SPANXN2: variants seen among roughly 807,000 people sequenced by gnomAD.
SPANXN2 encodes SPANX family member N2, also known as sperm protein associated with the nucleus on the X chromosome N2.
In SPANXN2, 1 loss-of-function variant was observed where a neutral mutation model predicts 2.0. The observed-to-expected ratio is 0.50, with a 90% CI of 0.18 to 2.36. SPANXN2 has a LOEUF of 2.36. SPANXN2 is among the 30% of genes most tolerant of loss of function. The probability of loss-of-function intolerance (pLI) is 0.26; values close to 1 mark genes in which losing one functional copy is unlikely to be tolerated. For missense variants in SPANXN2, 88 were observed against 116.7 expected (o/e 0.75, Z 1.13); for synonymous variants, 43 against 49.8 (o/e 0.86, Z 0.58).
exon 2 of SPANXN2, chrX:143,712,187 A>G (rs1602677475): frequency 4.3e-6 from 2 of 462,344 alleles, no homozygotes; most frequent in Non-Finnish European, 7.6e-6. Context: ...GATCCTTCAG[A>G]TGAGTCCAGG....
Position 143,712,551 on chromosome X carries a change from G to A in SPANXN2, c.79-52C>T, listed in dbSNP as rs782687333. On this transcript the variant is annotated intron_variant, in intron 1 of 1. Transcript: ENST00000598475. Reference sequence around the variant, plus strand: ...AAAGTCATTATTTTGGGTGAATAGGGTAGAGACTGGATAGCAAGGGGGGCT... The same window carrying A: ...AAAGTCATTATTTTGGGTGAATAGGATAGAGACTGGATAGCAAGGGGGGCT... 608 of 1,101,317 alleles carry A rather than the reference G, an allele frequency of 5.5e-4. 1 individual carries two copies. The East Asian group carries it at 0.013, about 24-fold the overall frequency. 90.8% of individuals were successfully genotyped at this position (1,101,317 alleles called of 1,213,427 possible). A position where few individuals can be genotyped will look rare whatever the true frequency, so the allele number is the denominator to read the frequency against.
chrX:143,720,238 A>G (rs1258054231), intron 1 of SPANXN2, among the ~76,000 whole-genome samples: 2 of 111,339 alleles, frequency 1.8e-5, no homozygotes, highest in Non-Finnish European at 3.8e-5. Flanking sequence ...AATCTTGCCT[A>G]ATCGTCGTAA....
At chrX:143,717,277 G>GTT (rs1237524047) in intron 1 of SPANXN2, among the ~76,000 whole-genome samples, 2 of 111,691 alleles carry the variant, frequency 1.8e-5, no homozygotes, top group African/African-American at 6.5e-5. Context: ...CAGGAACAGG[G>GTT]TTTCCTAACT....
At position 143,720,590 on chromosome X, in the gene SPANXN2, C is replaced by A. The variant is rs1466584279; in HGVS notation, c.78+1G>T. Reference sequence around the variant, plus strand: ...TTCCCTTCAAAACCTAACAATCTTACCTCATCATTTTTTTTGTTATTGGAT... The same window carrying A: ...TTCCCTTCAAAACCTAACAATCTTAACTCATCATTTTTTTTGTTATTGGAT... On this transcript the variant is annotated splice_donor_variant, in intron 1 of 1. Transcript: ENST00000598475. LOFTEE classifies it high-confidence loss of function. The A allele has an allele frequency of 8.3e-7, 1 of 1,209,378 alleles. No homozygotes were observed. The highest frequency in any genetic ancestry group is 1.1e-6 in the Non-Finnish European group (1 of 893,971).
intron 1 of SPANXN2, among the ~76,000 whole-genome samples, chrX:143,717,046 A>G (rs1556449916): frequency 8.9e-6 from 1 of 112,188 alleles, no homozygotes; most frequent in Non-Finnish European, 1.9e-5. Context: ...CGGTTAGTTA[A>G]TGGAACCTCT....
intron 1 of SPANXN2, among the ~76,000 whole-genome samples, chrX:143,715,841 A>AACCAATATACTCT: frequency 9.0e-6 from 1 of 111,298 alleles, no homozygotes; most frequent in South Asian, 3.9e-4. Context: ...AGTGGTCCTC[A>AACCAATATACTCT]ACCAATATAC....
At chrX:143,712,125 G>T (rs3859898) in exon 2 of SPANXN2, 3 of 661,778 alleles carry the variant, frequency 4.5e-6, no homozygotes, top group African/African-American at 4.7e-5. Flanking sequence ...CCAGGTCTTC[G>T]TCCTCCTGTG....
At chrX:143,716,413 T>A (rs1430148716) in intron 1 of SPANXN2, among the ~76,000 whole-genome samples, 2 of 111,344 alleles carry the variant, frequency 1.8e-5, no homozygotes, top group African/African-American at 3.3e-5. Flanking sequence ...TGTGAATTCC[T>A]AACTTTGACT....
In SPANXN2 at chrX:143,720,580, A is replaced by G. The variant is rs781975080; in HGVS notation, c.78+11T>C. 33 of 1,204,926 alleles carry G rather than the reference A, an allele frequency of 2.7e-5. No homozygotes were observed. Among genetic ancestry groups the G allele is most frequent in the Middle Eastern group, 2.3e-4 (1 of 4,361 alleles). ...CACCCTCACCTTCCCTTCAAAACCT[A>G]ACAATCTTACCTCATCATTTTTTTT... On this transcript the variant is annotated intron_variant, in intron 1 of 1. Transcript: ENST00000598475.
chrX:143,719,114 CT>C (rs1192666456), intron 1 of SPANXN2, among the ~76,000 whole-genome samples: 1 of 110,352 alleles, frequency 9.1e-6, no homozygotes, highest in Non-Finnish European at 1.9e-5. Context: ...GGCTAATCAC[CT>C]TTCCCCCCCC....
At chrX:143,716,988 T>C (rs1294458642) in intron 1 of SPANXN2, among the ~76,000 whole-genome samples, 1 of 111,621 alleles carries the variant, frequency 9.0e-6, no homozygotes, top group Non-Finnish European at 1.9e-5. Context: ...CTCCCTCTCC[T>C]CCCCCTTCCA....
At chrX:143,719,034 C>G (rs1325248616) in intron 1 of SPANXN2, among the ~76,000 whole-genome samples, 1 of 111,372 alleles carries the variant, frequency 9.0e-6, no homozygotes, top group African/African-American at 3.3e-5. Flanking sequence ...CACATGAACC[C>G]TGTCCAAAAT....
intron 1 of SPANXN2, 47 bp downstream of exon 1, chrX:143,720,544 T>G (rs1216627817): frequency 4.3e-6 from 5 of 1,170,593 alleles, no homozygotes. Flanking sequence ...CTTCTCTGTG[T>G]GTCTTTCTTT....
chrX:143,719,481 T>C (rs2063588323), intron 1 of SPANXN2, among the ~76,000 whole-genome samples: 1 of 112,105 alleles, frequency 8.9e-6, no homozygotes, highest in Non-Finnish European at 1.9e-5. Flanking sequence ...CTGGCAGGTA[T>C]TCAACTTGGA....
chrX:143,720,457 G>C, intron 1 of SPANXN2, 134 bp downstream of exon 1: 3 of 574,008 alleles, frequency 5.2e-6, no homozygotes, highest in South Asian at 3.3e-5. Flanking sequence ...TGTAAGCGGC[G>C]GTGGGTTCTG....
At chrX:143,716,032 T>C (rs12848800) in intron 1 of SPANXN2, among the ~76,000 whole-genome samples, 3 of 111,445 alleles carry the variant, frequency 2.7e-5, no homozygotes, top group Non-Finnish European at 5.7e-5. Context: ...ACCTAGACTG[T>C]ACTCTTAGAG....
intron 1 of SPANXN2, among the ~76,000 whole-genome samples, chrX:143,715,138 C>G (rs1226004435): frequency 1.8e-5 from 2 of 111,633 alleles, no homozygotes; most frequent in Non-Finnish European, 1.9e-5. Context: ...TCCACCGCCC[C>G]TACTGCCATC....
intron 1 of SPANXN2, among the ~76,000 whole-genome samples, chrX:143,717,523 A>C (rs851102): frequency 0.4 from 43,844 of 110,512 alleles, 6,464 homozygotes; most frequent in East Asian, 0.6. Flanking sequence ...CAGGAAAAAA[A>C]CCCACTTGCC....
chrX:143,713,010 C>T (rs1341885509), intron 1 of SPANXN2, among the ~76,000 whole-genome samples: 10 of 111,663 alleles, frequency 9.0e-5, no homozygotes, highest in South Asian at 3.8e-4. Flanking sequence ...CTGTAAGCGG[C>T]GGTGGGCTCT....
Sources: allele counts gnomAD v4.1 joint callset (sites outside exome capture counted in the v4.1 genomes callset), GRCh38; gene constraint gnomAD v4.1.1; transcripts MANE v1.5; gene names NCBI Gene and HGNC (gene_info 2026-07-23, HGNC 2026-07-21).